The following STK38L variants were observed in gnomAD, a reference collection of about 807,000 sequenced individuals.
STK38L encodes serine/threonine-protein kinase 38-like.
STK38L carries 28 observed loss-of-function variants against 59.7 expected under a neutral mutation model. The ratio of observed to expected loss-of-function variants is 0.47; its 90% confidence interval spans 0.35 to 0.64. STK38L has a LOEUF of 0.64. Ranked by LOEUF, STK38L falls within the 30% of genes least tolerant of loss-of-function variation. STK38L has a pLI of 0.01. For synonymous variants in STK38L, 162 were observed against 176.8 expected (o/e 0.92, Z 0.66); for missense variants, 314 against 555.8 (o/e 0.56, Z 4.37).
chr12:27,291,682 G>T (rs911817595), intron 1 of STK38L, among the ~76,000 whole-genome samples: 1 of 152,164 alleles, frequency 6.6e-6, no homozygotes, highest in South Asian at 2.1e-4. Context: ...CTGCCCTTTC[G>T]TTAGGGACCC....
At chr12:27,306,714 A>AACAC (rs10553623) in intron 3 of STK38L, among the ~76,000 whole-genome samples, 9,455 of 139,096 alleles carry the variant, frequency 0.068, 456 homozygotes, top group East Asian at 0.21. Flanking sequence ...GAATTTTATA[A>AACAC]ACACACACAC....
At chr12:27,282,585 G>A (rs1470956531) in intron 1 of STK38L, among the ~76,000 whole-genome samples, 1 of 152,116 alleles carries the variant, frequency 6.6e-6, no homozygotes, top group East Asian at 1.9e-4. Flanking sequence ...ACATTGCCTA[G>A]TGTTGGTGCT....
intron 1 of STK38L, among the ~76,000 whole-genome samples, chr12:27,268,469 C>T (rs1175332100): frequency 2.6e-5 from 4 of 152,106 alleles, no homozygotes; most frequent in African/African-American, 7.2e-5. Flanking sequence ...TATGGCTGCA[C>T]AGTATTCCAT....
At chr12:27,292,294 A>G (rs994362083) in intron 1 of STK38L, among the ~76,000 whole-genome samples, 3 of 152,216 alleles carry the variant, frequency 2.0e-5, no homozygotes, top group African/African-American at 7.2e-5. Flanking sequence ...TATAATTTAA[A>G]TTTTTAAAAG....
At chr12:27,246,562 A>G (rs528653130) in intron 1 of STK38L, among the ~76,000 whole-genome samples, 1 of 152,350 alleles carries the variant, frequency 6.6e-6, no homozygotes, top group South Asian at 2.1e-4. Context: ...GTATTTTTAT[A>G]TTAAAAGCAC....
chr12:27,268,868 A>G (rs1473384073), intron 1 of STK38L, among the ~76,000 whole-genome samples: 1 of 152,192 alleles, frequency 6.6e-6, no homozygotes, highest in African/African-American at 2.4e-5. Context: ...TCTGATGGCC[A>G]GTGATGATGA....
chr12:27,275,596 C>G (rs1195399123), intron 1 of STK38L, among the ~76,000 whole-genome samples: 1 of 152,166 alleles, frequency 6.6e-6, no homozygotes, highest in African/African-American at 2.4e-5. Context: ...ACCTCGGCCT[C>G]CCAAACTGTT....
rs778587270 is a variant in STK38L at position 27,262,891 on chromosome 12, C to T, written c.-12+18559C>T. 5.3e-5 allele frequency among the ~76,000 whole-genome samples: 8 copies of T among 151,802 alleles called. No individual in the cohort carries two copies. In the East Asian group the frequency reaches 7.7e-4, roughly 15 times the overall value. ...CCAGCTCACTGCAATCTCAGCCTCC[C>T]GGGTTCAAGCGATTCTCCCATCTCA... On this transcript the variant is annotated intron_variant, in intron 1 of 13. Coordinates refer to ENST00000389032, the MANE Select transcript of STK38L (RefSeq NM_015000.4).
chr12:27,316,169 T>G (rs1053748599), intron 9 of STK38L, among the ~76,000 whole-genome samples: 3 of 152,190 alleles, frequency 2.0e-5, no homozygotes, highest in Admixed American at 2.0e-4. Context: ...TAAAATGACC[T>G]TTGCATTATT....
chr12:27,279,356 G>A (rs1459917723), intron 1 of STK38L, among the ~76,000 whole-genome samples: 1 of 152,164 alleles, frequency 6.6e-6, no homozygotes, highest in Non-Finnish European at 1.5e-5. Flanking sequence ...AAAATGGACT[G>A]TTTCTGGTGC....
At chr12:27,271,726 G>T (rs10842894) in intron 1 of STK38L, among the ~76,000 whole-genome samples, 5 of 151,958 alleles carry the variant, frequency 3.3e-5, no homozygotes, top group African/African-American at 1.2e-4. Context: ...TTGAGACGGA[G>T]TTTTGCTCTG....
At chr12:27,245,174 G>A (rs745761499) in intron 1 of STK38L, among the ~76,000 whole-genome samples, 1 of 152,148 alleles carries the variant, frequency 6.6e-6, no homozygotes, top group Non-Finnish European at 1.5e-5. Context: ...AGTGGGAGGT[G>A]GGGGGAGGGC....
intron 1 of STK38L, among the ~76,000 whole-genome samples, chr12:27,251,137 C>T (rs536888120): frequency 3.3e-5 from 5 of 151,934 alleles, no homozygotes; most frequent in African/African-American, 1.2e-4. Flanking sequence ...TTTCTTTCTT[C>T]TCTTTTTTCC....
At chr12:27,284,712 A>G (rs1245333800) in intron 1 of STK38L, among the ~76,000 whole-genome samples, 1 of 152,174 alleles carries the variant, frequency 6.6e-6, no homozygotes, top group Non-Finnish European at 1.5e-5. Context: ...TTGTTTTCCT[A>G]ATAATCCGGA....
intron 1 of STK38L, among the ~76,000 whole-genome samples, chr12:27,279,727 C>T (rs1392714059): frequency 6.9e-6 from 1 of 145,004 alleles, no homozygotes; most frequent in African/African-American, 2.5e-5. Context: ...AAGTGTGACT[C>T]TCTTTAGCTT....
intron 1 of STK38L, among the ~76,000 whole-genome samples, chr12:27,283,834 A>G (rs186761362): frequency 5.1e-4 from 77 of 152,282 alleles, no homozygotes; most frequent in African/African-American, 1.7e-3. Context: ...CCCTCATGCT[A>G]AGGGTCCTGA....
intron 5 of STK38L, among the ~76,000 whole-genome samples, chr12:27,311,136 T>C (rs766758275): frequency 6.6e-6 from 1 of 152,216 alleles, no homozygotes; most frequent in African/African-American, 2.4e-5. Flanking sequence ...CAAGCCATGT[T>C]TATGTTGTAG....
intron 1 of STK38L, among the ~76,000 whole-genome samples, chr12:27,291,638 T>A (rs576242697): frequency 5.9e-5 from 9 of 152,222 alleles, no homozygotes; most frequent in Non-Finnish European, 1.3e-4. Flanking sequence ...TTCTTGCATT[T>A]TAGACTGTGC....
At chr12:27,249,992 C>T (rs1763455575) in intron 1 of STK38L, among the ~76,000 whole-genome samples, 1 of 152,112 alleles carries the variant, frequency 6.6e-6, no homozygotes, top group Non-Finnish European at 1.5e-5. Context: ...TTTAACACCT[C>T]AAATCAGCTA....
Sources: gnomAD v4.1 joint callset for allele counts (sites outside exome capture counted in the v4.1 genomes callset) on GRCh38, gnomAD v4.1.1 for gene constraint, MANE v1.5 for transcripts, NCBI Gene and HGNC (gene_info 2026-07-23, HGNC 2026-07-21) for gene names.